The following GPLD1 variants were observed in gnomAD, a reference collection of about 807,000 sequenced individuals.
The protein encoded by GPLD1 is phosphatidylinositol-glycan-specific phospholipase D.
A neutral mutation model predicts 112.6 loss-of-function variants in GPLD1; 84 were observed. That is an observed-to-expected ratio of 0.75 (90% confidence interval 0.63 to 0.89). The LOEUF (loss-of-function observed/expected upper bound fraction) is 0.89, where lower values mean the gene tolerates loss of function less well. GPLD1 is among the 40% of genes least tolerant of loss of function. The probability of loss-of-function intolerance (pLI) is 0.00; values close to 1 mark genes in which losing one functional copy is unlikely to be tolerated. For synonymous variants in GPLD1, 386 were observed against 403.8 expected, an observed-to-expected ratio of 0.96 and a Z score of 0.53; for missense variants, 1,044 against 1,051.5, an observed-to-expected ratio of 0.99 and a Z score of 0.10.
chr6:24,460,740 T>A (rs1462018121), intron 11 of GPLD1, among the ~76,000 whole-genome samples: 2 of 17,112 alleles, frequency 1.2e-4, no homozygotes, highest in Non-Finnish European at 2.7e-4. Flanking sequence ...AGCATACTGA[T>A]TTTTTTTTTT....
intron 20 of GPLD1, among the ~76,000 whole-genome samples, chr6:24,444,478 G>A (rs1581740526): frequency 6.6e-6 from 1 of 151,582 alleles, no homozygotes; most frequent in East Asian, 1.9e-4. Flanking sequence ...TTATAATCTG[G>A]GAGGAAATGG....
intron 20 of GPLD1, among the ~76,000 whole-genome samples, chr6:24,443,365 ATATTAT>A (rs1014034456): frequency 2.0e-5 from 3 of 152,168 alleles, no homozygotes; most frequent in Non-Finnish European, 2.9e-5. Flanking sequence ...TCACAGGTTC[ATATTAT>A]TATTAACAGG....
intron 14 of GPLD1, among the ~76,000 whole-genome samples, chr6:24,453,007 C>A (rs746660559): frequency 6.6e-6 from 1 of 151,890 alleles, no homozygotes; most frequent in Non-Finnish European, 1.5e-5. Flanking sequence ...TCTACCCCAC[C>A]CCCCCACGCT....
At chr6:24,466,385 G>C (rs1339251643) in intron 10 of GPLD1, among the ~76,000 whole-genome samples, 7 of 152,150 alleles carry the variant, frequency 4.6e-5, no homozygotes, top group Non-Finnish European at 1.0e-4. Flanking sequence ...CACCACCTGT[G>C]GAGGCTGATT....
downstream of GPLD1, chr6:24,425,160 T>C (rs1296572679): frequency 6.6e-6 from 1 of 152,226 alleles, no homozygotes; most frequent in Non-Finnish European, 1.5e-5. Context: ...TGATAATACT[T>C]ATATTTCACA....
In GPLD1 at chr6:24,495,078, G is replaced by A. The variant is rs1227540131; in HGVS notation, n.128C>T. 3.0e-6 allele frequency: 4 copies of A among 1,321,308 alleles called. No homozygotes were observed. Among genetic ancestry groups the A allele is most frequent in the South Asian group, 2.3e-5 (1 of 44,190 alleles). 81.8% of individuals were successfully genotyped at this position (1,321,308 alleles called of 1,614,324 possible). ...TCCAGGCTGCCGCCTCCGCCCCCGC[G>A]CCGGCGGCCTGGTCCCTGCCTCCGG... On this transcript the variant is annotated non_coding_transcript_exon_variant, in exon 1 of 11. Coordinates refer to the GPLD1 transcript ENST00000474784.
intron 2 of GPLD1, among the ~76,000 whole-genome samples, chr6:24,480,919 C>G (rs1764181266): frequency 6.6e-6 from 1 of 152,240 alleles, no homozygotes. Context: ...GGTAGCACAG[C>G]CCCTCGTGTT....
At chr6:24,478,545 G>A (rs542647882) in intron 3 of GPLD1, among the ~76,000 whole-genome samples, 1 of 152,270 alleles carries the variant, frequency 6.6e-6, no homozygotes, top group Admixed American at 6.5e-5. Flanking sequence ...CTACCTTGTA[G>A]GGTGACTCTG....
intron 20 of GPLD1, 121 bp from the exon 21 acceptor site, chr6:24,437,410 A>T (rs793673): frequency 0.8 from 702,757 of 878,608 alleles, 287,118 homozygotes; most frequent in Non-Finnish European, 0.86. Flanking sequence ...TCGGTTTCGG[A>T]GCTGGTCATC....
chr6:24,423,996 A>T (rs914711044), downstream of GPLD1: 2 of 172,242 alleles, frequency 1.2e-5, no homozygotes, highest in Admixed American at 5.9e-5. Flanking sequence ...TAATTTATAC[A>T]TATCAAGAAA....
Position 24,475,130 on chromosome 6 carries a change from G to A in GPLD1, c.432C>T (p.Thr144=). 2 of 1,561,086 alleles carry A rather than the reference G, an allele frequency of 1.3e-6. No homozygotes were observed. The highest frequency in any genetic ancestry group is 1.8e-6 in the Non-Finnish European group (2 of 1,131,660). Residue 144 remains threonine, a synonymous_variant, in exon 5 of 25, where the codon ACC becomes ACT. Coordinates refer to ENST00000230036, the MANE Select transcript of GPLD1 (RefSeq NM_001503.4). Reference sequence around the variant, plus strand: ...AAAGGGATGTACTCACAGCTCCCATGGTCCTAAGGAATCCTTGTTCAAGGC... The same window carrying A: ...AAAGGGATGTACTCACAGCTCCCATAGTCCTAAGGAATCCTTGTTCAAGGC... ...SLGLEQGFLR[T]MGAIDFHGSY... is the part of the protein sequence containing the mutation.
At chr6:24,463,705 T>C (rs1024340347) in intron 10 of GPLD1, among the ~76,000 whole-genome samples, 2 of 152,206 alleles carry the variant, frequency 1.3e-5, no homozygotes, top group African/African-American at 4.8e-5. Context: ...ATATACCAAA[T>C]AACATAAGTG....
In GPLD1 at chr6:24,426,274, A is replaced by G. The variant is rs968260816; in HGVS notation, c.*2758T>C. ...TACATTTTAGTTATTAAGCAGAATC[A>G]ATGCTTAAAACTATAGTTAATACTT... On this transcript the variant is annotated 3_prime_UTR_variant, in exon 25 of 25. Coordinates refer to ENST00000230036, the MANE Select transcript of GPLD1 (RefSeq NM_001503.4). The G allele has an allele frequency of 6.6e-6, 1 of 152,248 alleles. No homozygotes were observed. Among genetic ancestry groups the G allele is most frequent in the African/African-American group, 2.4e-5 (1 of 41,466 alleles). 9.4% of individuals were successfully genotyped at this position (152,248 alleles called of 1,614,324 possible).
chr6:24,465,967 G>A (rs1763598760), intron 10 of GPLD1, among the ~76,000 whole-genome samples: 1 of 152,166 alleles, frequency 6.6e-6, no homozygotes, highest in Admixed American at 6.5e-5. Flanking sequence ...AGGGTGGAGA[G>A]GTGTGTCACC....
chr6:24,450,219 T>C (rs1763038440), intron 14 of GPLD1, among the ~76,000 whole-genome samples: 1 of 152,150 alleles, frequency 6.6e-6, no homozygotes, highest in South Asian at 2.1e-4. Context: ...TCTTCGAAAG[T>C]ATCTAAAATA....
At chr6:24,465,090 G>A (rs182280238) in intron 10 of GPLD1, among the ~76,000 whole-genome samples, 113 of 151,700 alleles carry the variant, frequency 7.4e-4, no homozygotes, top group Non-Finnish European at 1.5e-3. Flanking sequence ...ATAACTACTC[G>A]GGAAGCTGAG....
rs574132910 is a variant in GPLD1, at chr6:24,425,841, A to T, written c.*3191T>A. The T allele has an allele frequency of 6.6e-6, 1 of 152,368 alleles. No individual in the cohort carries two copies. Among genetic ancestry groups the T allele is most frequent in the East Asian group, 1.9e-4 (1 of 5,192 alleles). The allele number at this position is 152,368 out of a possible 1,614,324, so 9.4% of individuals were successfully genotyped here. ...AAGCAGCACTAACCAATTTTATATT[A>T]AAAAGCTATTTATTTTGGTGAGTTA... On this transcript the variant is annotated 3_prime_UTR_variant, in exon 25 of 25. Transcript: ENST00000230036.
rs368622080 is a variant in GPLD1 at position 24,479,967 on chromosome 6, G to A, written c.154-8C>T. On this transcript the variant is annotated splice_region_variant and splice_polypyrimidine_tract_variant and intron_variant, in intron 2 of 24. Coordinates refer to ENST00000230036, the MANE Select transcript of GPLD1 (RefSeq NM_001503.4). Reference sequence around the variant, plus strand: ...CTGGTGTTCTAGTAACAGCTGCAGAGCAAGAAAATACAGAGATTAAGGGGC... The same window carrying A: ...CTGGTGTTCTAGTAACAGCTGCAGAACAAGAAAATACAGAGATTAAGGGGC... 6.3e-6 allele frequency: 10 copies of A among 1,580,170 alleles called. No individual in the cohort carries two copies. The highest frequency in any genetic ancestry group is 2.2e-5 in the East Asian group (1 of 44,724).
At chr6:24,447,583 CT>C (rs1762950193) in intron 17 of GPLD1, among the ~76,000 whole-genome samples, 1 of 152,202 alleles carries the variant, frequency 6.6e-6, no homozygotes, top group Non-Finnish European at 1.5e-5. Flanking sequence ...GAGAGCACCA[CT>C]GAGATGCCTC....
Sources: gnomAD v4.1 joint callset for allele counts (sites outside exome capture counted in the v4.1 genomes callset) on GRCh38, gnomAD v4.1.1 for gene constraint, MANE v1.5 for transcripts, NCBI Gene and HGNC (gene_info 2026-07-23, HGNC 2026-07-21) for gene names.